DPYD: variants seen among roughly 807,000 people sequenced by gnomAD.
DPYD encodes dihydropyrimidine dehydrogenase [NADP(+)].
A neutral mutation model predicts 116.2 loss-of-function variants in DPYD; 109 were observed. The ratio of observed to expected loss-of-function variants is 0.94; its 90% CI spans 0.80 to 1.10. The LOEUF is 1.10. DPYD is among the 50% of genes least tolerant of loss of function. DPYD has a pLI of 0.00. For missense variants in DPYD, 1,302 were observed against 1,254.5 expected, an observed-to-expected ratio of 1.04 and a Z score of -0.57; for synonymous variants, 440 against 432.0, an observed-to-expected ratio of 1.02 and a Z score of -0.23.
At chr1:97,821,248 T>C (rs1385780151) in intron 3 of DPYD, among the ~76,000 whole-genome samples, 1 of 150,540 alleles carries the variant, frequency 6.6e-6, no homozygotes, top group Non-Finnish European at 1.5e-5. Context: ...GGAGAATCTC[T>C]TCAACCTGGG....
At chr1:97,340,107 C>A (rs1284731204) in intron 16 of DPYD, among the ~76,000 whole-genome samples, 1 of 151,492 alleles carries the variant, frequency 6.6e-6, no homozygotes, top group African/African-American at 2.4e-5. Context: ...GAAAAACACC[C>A]AACAAAGTAA....
intron 7 of DPYD, among the ~76,000 whole-genome samples, chr1:97,690,663 A>C (rs953159199): frequency 1.3e-5 from 2 of 152,038 alleles, no homozygotes; most frequent in African/African-American, 4.8e-5. Flanking sequence ...TTCAAAATGA[A>C]AGACATTTAA....
At chr1:97,898,813 G>A (rs1673212263) in intron 1 of DPYD, among the ~76,000 whole-genome samples, 1 of 151,882 alleles carries the variant, frequency 6.6e-6, no homozygotes, top group South Asian at 2.1e-4. Context: ...CTACATGGTG[G>A]TTCCTCTGCA....
At chr1:97,288,221 C>T (rs1386244084) in intron 18 of DPYD, among the ~76,000 whole-genome samples, 1 of 149,130 alleles carries the variant, frequency 6.7e-6, no homozygotes, top group Non-Finnish European at 1.5e-5. Context: ...ACTTAGACTC[C>T]CACACAATAA....
At chr1:97,196,750 T>C (rs758896800) in intron 19 of DPYD, among the ~76,000 whole-genome samples, 13 of 152,160 alleles carry the variant, frequency 8.5e-5, no homozygotes, top group Non-Finnish European at 1.6e-4. Context: ...GGTTAGAAAG[T>C]GGTGGCACCA....
intron 20 of DPYD, among the ~76,000 whole-genome samples, chr1:97,150,566 C>T (rs185800890): frequency 6.6e-6 from 1 of 152,166 alleles, no homozygotes; most frequent in East Asian, 1.9e-4. Flanking sequence ...GGGCACTGGG[C>T]TCTCTCTGGG....
chr1:97,086,157 G>A (rs893023741), intron 21 of DPYD, among the ~76,000 whole-genome samples: 5 of 152,028 alleles, frequency 3.3e-5, no homozygotes, highest in Non-Finnish European at 7.4e-5. Context: ...GGGTTCAAGC[G>A]ATTCTCCTCC....
chr1:97,689,559 G>C (rs1660904037), intron 7 of DPYD, among the ~76,000 whole-genome samples: 1 of 152,022 alleles, frequency 6.6e-6, no homozygotes, highest in Non-Finnish European at 1.5e-5. Context: ...ATATATAAGA[G>C]AACTCTTACA....
intron 7 of DPYD, among the ~76,000 whole-genome samples, chr1:97,684,036 A>G (rs535672306): frequency 6.6e-6 from 1 of 152,178 alleles, no homozygotes; most frequent in Non-Finnish European, 1.5e-5. Flanking sequence ...AATAACAAAT[A>G]AGTTCCACTC....
intron 16 of DPYD, among the ~76,000 whole-genome samples, chr1:97,333,076 TCAGA>T (rs1260488388): frequency 7.3e-5 from 11 of 151,296 alleles, no homozygotes; most frequent in African/African-American, 2.7e-4. Context: ...TTTTTTTTTT[TCAGA>T]CAGAGTCTTG....
chr1:97,682,475 A>G (rs1388944739), intron 7 of DPYD, among the ~76,000 whole-genome samples: 1 of 152,064 alleles, frequency 6.6e-6, no homozygotes, highest in Non-Finnish European at 1.5e-5. Flanking sequence ...CTGAGGCCCC[A>G]AATATTTGCC....
intron 8 of DPYD, among the ~76,000 whole-genome samples, chr1:97,662,859 T>G (rs1659346249): frequency 6.6e-6 from 1 of 152,190 alleles, no homozygotes; most frequent in Non-Finnish European, 1.5e-5. Flanking sequence ...CATTTCAGTG[T>G]GTGTGAATAT....
At chr1:97,601,766 C>T (rs1655262326) in intron 8 of DPYD, among the ~76,000 whole-genome samples, 1 of 151,944 alleles carries the variant, frequency 6.6e-6, no homozygotes, top group South Asian at 2.1e-4. Context: ...CAATAAAACT[C>T]CCCATTTTCT....
chr1:97,273,335 A>G (rs1203041441), intron 18 of DPYD, among the ~76,000 whole-genome samples: 2 of 152,168 alleles, frequency 1.3e-5, no homozygotes, highest in Admixed American at 6.6e-5. Flanking sequence ...AATCTTTGCA[A>G]AAAAGGAATG....
intron 16 of DPYD, among the ~76,000 whole-genome samples, chr1:97,369,055 T>C (rs1293334886): frequency 6.6e-6 from 1 of 152,062 alleles, no homozygotes; most frequent in Non-Finnish European, 1.5e-5. Context: ...GGAAGTAAAA[T>C]ATGTAATATA....
At chr1:97,208,028 G>A (rs571604408) in intron 19 of DPYD, among the ~76,000 whole-genome samples, 39 of 152,206 alleles carry the variant, frequency 2.6e-4, no homozygotes, top group Non-Finnish European at 4.1e-4. Context: ...TACAGGTCCT[G>A]CAAAACCACT....
intron 13 of DPYD, among the ~76,000 whole-genome samples, chr1:97,482,472 G>A (rs1402257826): frequency 6.6e-6 from 1 of 152,162 alleles, no homozygotes; most frequent in Non-Finnish European, 1.5e-5. Context: ...CCATGTGAGT[G>A]CTAACACAGA....
intron 3 of DPYD, among the ~76,000 whole-genome samples, chr1:97,798,315 A>G (rs1667681384): frequency 6.6e-6 from 1 of 151,960 alleles, no homozygotes; most frequent in South Asian, 2.1e-4. Flanking sequence ...TAATTTTTAA[A>G]CTTTTATAAC....
chr1:97,718,699 G>A (rs1201898020), intron 5 of DPYD, among the ~76,000 whole-genome samples: 2 of 150,334 alleles, frequency 1.3e-5, no homozygotes, highest in Non-Finnish European at 1.5e-5. Flanking sequence ...ATGTAAAATC[G>A]TTTTTTTTCA....
Sources: allele counts gnomAD v4.1 joint callset (sites outside exome capture counted in the v4.1 genomes callset), GRCh38; gene constraint gnomAD v4.1.1; transcripts MANE v1.5; gene names NCBI Gene and HGNC (gene_info 2026-07-23, HGNC 2026-07-21).